LTK: variants seen among roughly 807,000 people sequenced by gnomAD.
LTK encodes leukocyte receptor tyrosine kinase.
A neutral mutation model predicts 101.5 loss-of-function variants in LTK; 117 were observed. That is an observed-to-expected ratio of 1.15 (90% CI 0.99 to 1.34). The LOEUF is 1.34. LTK is among the 40% of genes most tolerant of loss of function. LTK has a pLI of 0.00. For synonymous variants in LTK, 563 were observed against 494.2 expected (o/e 1.14, Z -1.85); for missense variants, 1,252 against 1,164.7 (o/e 1.07, Z -1.09).
chr15:41,505,412 G>A lies in LTK; in HGVS notation c.1816C>T (p.Arg606Trp), dbSNP rs781234706. The stretch of plus-strand genomic sequence containing the variant: ...GACAAGGGTCTCACCAGGTGTGGCC[G>A]ACTGTGCCTCAGGAAACTCTTCATG... Reference protein sequence around the residue: ...GDMKSFLRHSRPHLGQPSPLV... With the variant: ...GDMKSFLRHSWPHLGQPSPLV... Residue 606 changes from arginine to tryptophan, a missense_variant, in exon 14 of 20, where the codon CGG becomes TGG. By Grantham distance (101) the Arg-to-Trp change is moderately radical. Transcript: ENST00000263800. The A allele has an allele frequency of 4.3e-5, 70 of 1,613,822 alleles. No homozygotes were observed. The Admixed American group carries it at 6.7e-4, about 15-fold the overall frequency.
Position 41,504,788 on chromosome 15 carries a change from G to C in LTK, c.2105C>G (p.Ser702Cys). The C allele has an allele frequency of 1.2e-6, 2 of 1,612,646 alleles. No individual in the cohort carries two copies. The highest frequency in any genetic ancestry group is 1.7e-6 in the Non-Finnish European group (2 of 1,179,612). The change falls in exon 17 of 20, where the codon TCC becomes TGC. Residue 702 changes from serine to cysteine, a missense_variant. Physicochemically the swap from Ser to Cys is moderately radical, Grantham distance 112. Coordinates refer to ENST00000263800, the MANE Select transcript of LTK (RefSeq NM_002344.6). Reference protein sequence around the residue: ...PEAFLEGIFTSKTDSWSFGVL... With the variant: ...PEAFLEGIFTCKTDSWSFGVL... ...GTGTTATCACCAGGAATCTGTCTTG[G>C]ATGTGAAGATGCCCTCCAGGAAGGC...
At position 41,511,924 on chromosome 15, in the gene LTK, G is replaced by C. The variant is rs770611218; in HGVS notation, c.550C>G (p.Arg184Gly). 3 of 1,499,358 alleles carry C rather than the reference G, an allele frequency of 2.0e-6. No individual in the cohort carries two copies. Among genetic ancestry groups the C allele is most frequent in the Non-Finnish European group, 2.6e-6 (3 of 1,140,092 alleles). 92.9% of individuals were successfully genotyped at this position (1,499,358 alleles called of 1,614,324 possible). A position where few individuals can be genotyped will look rare whatever the true frequency, so the allele number is the denominator to read the frequency against. ...ATCGCCGCGTGCTCTTCAACGGCTC[G>C]AGACTCCCCGAGGCAGACGAGCTGG... Reference protein sequence around the residue: ...ESQLVCLGESRAVEEHAAMDG... With the variant: ...ESQLVCLGESGAVEEHAAMDG... Residue 184 changes from arginine to glycine, a missense_variant, in exon 5 of 20, where the codon CGA becomes GGA. Arg to Gly is a moderately radical substitution (Grantham distance 125). Transcript: ENST00000263800. The surrounding 1 kb of genome is among the most constrained non-coding windows in gnomAD (Gnocchi z 5.9).
chr15:41,513,601 G>A, intron 1 of LTK, 66 bp downstream of exon 1: 2 of 1,476,804 alleles, frequency 1.4e-6, no homozygotes, highest in Non-Finnish European at 9.5e-7. Context: ...CCTGTTGACC[G>A]GCCACCCCCA....
In LTK at chr15:41,504,430, T is replaced by G; in HGVS notation, c.2258A>C (p.Tyr753Ser). 6.2e-7 allele frequency: 1 copy of G among 1,614,132 alleles called. No individual in the cohort carries two copies. The highest frequency in any genetic ancestry group is 8.5e-7 in the Non-Finnish European group (1 of 1,180,000). Residue 753 changes from tyrosine (Y) to serine (S), a missense_variant and splice_region_variant, in exon 19 of 20, where the codon TAC becomes TCC. Physicochemically the swap from Tyr to Ser is moderately radical, Grantham distance 144. Coordinates refer to ENST00000263800, the MANE Select transcript of LTK (RefSeq NM_002344.6). ...DPPRGCPGPV[Y>S]RIMTQCWQHE... ...CTGCCAACACTGGGTCATGATGCGGTACCTGGGGAGAGGCAGGAGTTCATG... is the reference window on the plus strand; with the variant it reads ...CTGCCAACACTGGGTCATGATGCGGGACCTGGGGAGAGGCAGGAGTTCATG...
rs143780599 is a variant in LTK, at chr15:41,509,481, G to T, written c.998-352C>A. Among the ~76,000 whole-genome samples the T allele has an allele frequency of 3.1e-3, 476 of 152,310 alleles. 1 individual carries two copies. Among genetic ancestry groups the T allele is most frequent in the East Asian group, 5.0e-3 (26 of 5,192 alleles). Reference sequence around the variant, plus strand: ...ATTTGATCAAAACACAGATGACTGGGACTCTCCCTTACAGTTTCTGATTCA... The same window carrying T: ...ATTTGATCAAAACACAGATGACTGGTACTCTCCCTTACAGTTTCTGATTCA... On this transcript the variant is annotated intron_variant, in intron 7 of 19. Coordinates refer to ENST00000263800, the MANE Select transcript of LTK (RefSeq NM_002344.6).
rs148987273 is a variant in LTK, at chr15:41,509,313, C to T, written c.998-184G>A. 3.2e-4 allele frequency among the ~76,000 whole-genome samples: 49 copies of T among 152,300 alleles called. 1 individual carries two copies. The highest frequency in any genetic ancestry group is 1.1e-3 in the African/African-American group (45 of 41,562). On this transcript the variant is annotated intron_variant, in intron 7 of 19. Coordinates refer to ENST00000263800, the MANE Select transcript of LTK (RefSeq NM_002344.6). ...GTAATCAGCTGGAGCCTGAAGGCCT[C>T]GCTGAGGCTGGCTGGGATGCCTCCT...
rs749925163 is a variant in LTK, at chr15:41,504,778, A to G, written c.2115T>C (p.Asp705=). Residue 705 remains aspartate, a synonymous_variant, in exon 17 of 20, where the codon GAT becomes GAC. Coordinates refer to ENST00000263800, the MANE Select transcript of LTK (RefSeq NM_002344.6). ...FLEGIFTSKT[D]SWSFGVLLWE... Reference sequence around the variant, plus strand: ...GAGGGGAAGGGTGTTATCACCAGGAATCTGTCTTGGATGTGAAGATGCCCT... The same window carrying G: ...GAGGGGAAGGGTGTTATCACCAGGAGTCTGTCTTGGATGTGAAGATGCCCT... 22 of 1,599,924 alleles carry G rather than the reference A, an allele frequency of 1.4e-5. No individual in the cohort carries two copies. The East Asian group carries it at 4.7e-4, about 34-fold the overall frequency.
Position 41,511,330 on chromosome 15 carries a change from C to A in LTK, c.831G>T (p.Trp277Cys). Residue 277 changes from tryptophan to cysteine, a missense_variant, in exon 7 of 20, where the codon TGG becomes TGT. Transcript: ENST00000263800. The surrounding 1 kb of genome is among the most constrained non-coding windows in gnomAD (Gnocchi z 5.9). ...RGGAAGGGGG[W>C]TSRAPSPQAG... is the part of the protein sequence containing the mutation. ...CCTGCGGAGAGGGAGCCCGCGACGT[C>A]CAGCCGCCCCCACCACCTGCAGAGC... is the stretch of plus-strand genomic sequence containing the variant. 2 of 1,359,744 alleles carry A rather than the reference C, an allele frequency of 1.5e-6. No individual in the cohort carries two copies. The highest frequency in any genetic ancestry group is 9.4e-7 in the Non-Finnish European group (1 of 1,063,964). 84.2% of individuals were successfully genotyped at this position (1,359,744 alleles called of 1,614,324 possible).
chr15:41,513,088 C>G lies in LTK; in HGVS notation c.76G>C (p.Glu26Gln), dbSNP rs1363907330. 6.2e-7 allele frequency: 1 copy of G among 1,609,420 alleles called. No individual in the cohort carries two copies. The highest frequency in any genetic ancestry group is 2.2e-5 in the East Asian group (1 of 44,722). Reference sequence around the variant, plus strand: ...AGGGGCGAGGACCGCAGAAAAGTCTCCTGGGACCCCGGGCTAGAGCAGAGA... The same window carrying G: ...AGGGGCGAGGACCGCAGAAAAGTCTGCTGGGACCCCGGGCTAGAGCAGAGA... ...AILCSSPGSQ[E>Q]TFLRSSPLPL... Residue 26 changes from glutamate (E) to glutamine (Q), a missense_variant, in exon 2 of 20, where the codon GAG (glutamate) becomes CAG (glutamine). Transcript: ENST00000263800.
At position 41,505,764 on chromosome 15, in the gene LTK, A is replaced by G. The variant is rs1252807997; in HGVS notation, c.1646T>C (p.Leu549Pro). 1 of 1,613,790 alleles carries G rather than the reference A, an allele frequency of 6.2e-7. No individual in the cohort carries two copies. The highest frequency in any genetic ancestry group is 2.2e-5 in the East Asian group (1 of 44,880). ...LQVAIKTLPELCSPQDELDFL... is the reference protein window; with the variant it reads ...LQVAIKTLPEPCSPQDELDFL... ...ATCCAGCTCATCCTGAGGCGAGCAG[A>G]GTTCTGGCAGGGTCTGGGGAGGAAA... Residue 549 changes from leucine to proline, a missense_variant, in exon 13 of 20, where the codon CTC (leucine) becomes CCC (proline). Physicochemically the swap from Leu to Pro is moderately conservative, Grantham distance 98. Coordinates refer to ENST00000263800, the MANE Select transcript of LTK (RefSeq NM_002344.6).
At chr15:41,512,303 C>T (rs1199611724) in intron 3 of LTK, 38 bp from the exon 4 acceptor site, 2 of 1,590,782 alleles carry the variant, frequency 1.3e-6, no homozygotes, top group African/African-American at 2.7e-5. Flanking sequence ...GCCTTCGGTG[C>T]TCAGGCCGGC....
At chr15:41,506,496 G>C (rs2051288799) in intron 11 of LTK, among the ~76,000 whole-genome samples, 1 of 152,016 alleles carries the variant, frequency 6.6e-6, no homozygotes, top group Non-Finnish European at 1.5e-5. Context: ...GTAGACACAG[G>C]GTTTCACCAT....
At position 41,513,695 on chromosome 15, in the gene LTK, T is replaced by C. The variant is rs545313639; in HGVS notation, c.15A>G (p.Gly5=). Residue 5 remains glycine, a synonymous_variant, in exon 1 of 20, where the codon GGA becomes GGG. Transcript: ENST00000263800. The part of the protein sequence containing the change: MGCW[G]QLLVWFGAAG... ...CGGCTCCGAACCACACCAGCAGCTG[T>C]CCCCAGCAGCCCATCCCTGTTGGGT... 3.7e-6 allele frequency: 6 copies of C among 1,612,776 alleles called. No homozygotes were observed. The South Asian group carries it at 5.5e-5, about 15-fold the overall frequency.
At chr15:41,504,923 G>C (rs2051208096) in intron 16 of LTK, 49 bp from the exon 17 acceptor site, 1 of 1,598,592 alleles carries the variant, frequency 6.3e-7, no homozygotes, top group South Asian at 1.1e-5. Flanking sequence ...CCAAGGTGCG[G>C]GGAAAACCCC....
At position 41,504,513 on chromosome 15, in the gene LTK, C is replaced by G. The variant is rs2051185279; in HGVS notation, c.2248G>C (p.Gly750Arg). ...GGGCAGCACTCAACTCACACAGGCC[C>G]TGGGCAGCCCCTAGGAGGGTCCATC... ...GRMDPPRGCP[G>R]PVYRIMTQCW... is the part of the protein sequence containing the mutation. The change falls in exon 18 of 20, where the codon GGG becomes CGG. Residue 750 changes from glycine (G) to arginine (R), a missense_variant. By Grantham distance (125) the Gly-to-Arg change is moderately radical. Transcript: ENST00000263800. The G allele has an allele frequency of 1.9e-6, 3 of 1,613,132 alleles. No individual in the cohort carries two copies. Among genetic ancestry groups the G allele is most frequent in the Non-Finnish European group, 2.5e-6 (3 of 1,179,478 alleles).
Position 41,503,645 on chromosome 15 carries a change from G to A in LTK, c.*351C>T. 1.7e-6 allele frequency: 1 copy of A among 584,664 alleles called. No individual in the cohort carries two copies. Among genetic ancestry groups the A allele is most frequent in the Non-Finnish European group, 3.3e-6 (1 of 303,800 alleles). The allele number at this position is 584,664 out of a possible 1,614,324, so 36.2% of individuals were successfully genotyped here. A position where few individuals can be genotyped will look rare whatever the true frequency, so the allele number is the denominator to read the frequency against. ...TGGCATCCACAGATCGCTGGAGGAT[G>A]AGAAGAGCTTTTTATTAGAAGCATC... On this transcript the variant is annotated 3_prime_UTR_variant, in exon 20 of 20. Coordinates refer to ENST00000263800, the MANE Select transcript of LTK (RefSeq NM_002344.6).
At chr15:41,513,231 C>G (rs2051552773) in intron 1 of LTK, 111 bp from the exon 2 acceptor site, 1 of 1,320,508 alleles carries the variant, frequency 7.6e-7, no homozygotes, top group Non-Finnish European at 1.0e-6. Context: ...ACACCCGTCA[C>G]CCGGCCCAGC....
Position 41,513,768 on chromosome 15 carries a change from C to G in LTK, c.-59G>C. On this transcript the variant is annotated 5_prime_UTR_variant, in exon 1 of 20. Coordinates refer to ENST00000263800, the MANE Select transcript of LTK (RefSeq NM_002344.6). ...GCGGTCGCGGCCACACCCCTGTCAA[C>G]CTAAAGTTGACAGCTCATTTTGCCA... 1 of 1,492,010 alleles carries G rather than the reference C, an allele frequency of 6.7e-7. No individual in the cohort carries two copies. Among genetic ancestry groups the G allele is most frequent in the Admixed American group, 1.7e-5 (1 of 59,874 alleles). 92.4% of individuals were successfully genotyped at this position (1,492,010 alleles called of 1,614,324 possible).
intron 8 of LTK, among the ~76,000 whole-genome samples, chr15:41,508,660 C>A (rs1328920467): frequency 1.3e-5 from 2 of 152,158 alleles, no homozygotes; most frequent in African/African-American, 4.8e-5. Context: ...GAGCAAAGAG[C>A]AGCACCAAGC....
Sources: allele counts gnomAD v4.1 joint callset (sites outside exome capture counted in the v4.1 genomes callset), GRCh38; gene constraint gnomAD v4.1.1; non-coding constraint Gnocchi (gnomAD v3.1); transcripts MANE v1.5; gene names NCBI Gene and HGNC (gene_info 2026-07-23, HGNC 2026-07-21).